The following IQCH variants were observed in gnomAD, a reference collection of about 807,000 sequenced individuals.
IQCH encodes the protein IQ motif containing H.
IQCH carries 98 observed loss-of-function variants against 117.0 expected under a neutral mutation model. That is an observed-to-expected ratio of 0.84 (90% CI 0.71 to 0.99). The LOEUF is 0.99. Among genes scored for constraint, IQCH ranks in the 50% least tolerant of loss-of-function variants. The pLI is 0.00. For synonymous variants in IQCH, 412 were observed against 448.2 expected, an observed-to-expected ratio of 0.92 and a Z score of 1.02; for missense variants, 1,102 against 1,243.8, an observed-to-expected ratio of 0.89 and a Z score of 1.72.
At position 67,405,883 on chromosome 15, in the gene IQCH, G is replaced by A. The variant is rs1395774105; in HGVS notation, c.2097+5578G>A. On this transcript the variant is annotated intron_variant, in intron 14 of 20. Transcript: ENST00000335894. This position sits in a 1 kb window ranked among gnomAD's most constrained non-coding sequence, Gnocchi z 4.8. ...GCTCTCAAATTTCTTCCCTTTCCTAGATAACAGAAGAGCTGGTCTCCTTTT... is the reference window on the plus strand; with the variant it reads ...GCTCTCAAATTTCTTCCCTTTCCTAAATAACAGAAGAGCTGGTCTCCTTTT... 1 of 152,186 alleles carries A rather than the reference G, an allele frequency of 6.6e-6. No homozygotes were observed. The highest frequency in any genetic ancestry group is 1.9e-4 in the East Asian group (1 of 5,192). The allele number at this position is 152,186 out of a possible 1,614,324, so 9.4% of individuals were successfully genotyped here.
At chr15:67,486,231 C>T (rs2083476735) in intron 18 of IQCH, among the ~76,000 whole-genome samples, 8 of 150,384 alleles carry the variant, frequency 5.3e-5, no homozygotes, top group Admixed American at 5.3e-4. Flanking sequence ...ATAGAGACAG[C>T]ATTTCACCAT....
chr15:67,307,232 T>C (rs1967343931), intron 4 of IQCH: 1 of 757,132 alleles, frequency 1.3e-6, no homozygotes, highest in Non-Finnish European at 1.6e-6. Context: ...AAACTTAGAA[T>C]CTTTTATTTA....
intron 3 of IQCH, among the ~76,000 whole-genome samples, chr15:67,277,825 G>T (rs1451541063): frequency 6.6e-6 from 1 of 152,098 alleles, no homozygotes; most frequent in Non-Finnish European, 1.5e-5. Flanking sequence ...GAGCCACCGC[G>T]CCTGGCCCAG....
intron 6 of IQCH, among the ~76,000 whole-genome samples, chr15:67,346,251 T>G (rs954390726): frequency 6.6e-6 from 1 of 151,920 alleles, no homozygotes; most frequent in African/African-American, 2.4e-5. Context: ...GAAGCAAAAA[T>G]TAATAAAACA....
At chr15:67,275,036 A>T (rs570477860) in intron 3 of IQCH, among the ~76,000 whole-genome samples, 1 of 152,200 alleles carries the variant, frequency 6.6e-6, no homozygotes, top group African/African-American at 2.4e-5. Context: ...ACAGCATGGT[A>T]CTGCCACTCT....
In IQCH at chr15:67,485,953, G is replaced by A. The variant is rs556940338; in HGVS notation, c.2800-4050G>A. Among the ~76,000 whole-genome samples, 43 of 150,016 alleles carry A rather than the reference G, an allele frequency of 2.9e-4. No individual in the cohort carries two copies. In the East Asian group the frequency reaches 6.9e-3, roughly 24 times the overall value. ...ATTACAGGCATGAGCCACTGCGCCC[G>A]ACCAAGAAACAGAAAATCTTAAAAG... On this transcript the variant is annotated intron_variant, in intron 18 of 20. Transcript: ENST00000335894.
Position 67,465,367 on chromosome 15 carries a change from C to G in IQCH, c.2676+70C>G. 1 of 1,490,884 alleles carries G rather than the reference C, an allele frequency of 6.7e-7. No individual in the cohort carries two copies. Among genetic ancestry groups the G allele is most frequent in the South Asian group, 1.2e-5 (1 of 84,904 alleles). 92.4% of individuals were successfully genotyped at this position (1,490,884 alleles called of 1,614,324 possible). On this transcript the variant is annotated intron_variant, in intron 17 of 20. Transcript: ENST00000335894. The surrounding 1 kb of genome is among the most constrained non-coding windows in gnomAD (Gnocchi z 5.9). ...CCCACTGCCACTGCCTGAGCTCTGT[C>G]TAGGAGCCAGGATCTTTGAGTACAG...
chr15:67,379,283 G>T (rs1970841063), intron 10 of IQCH, among the ~76,000 whole-genome samples: 1 of 152,164 alleles, frequency 6.6e-6, no homozygotes, highest in Non-Finnish European at 1.5e-5. Flanking sequence ...TTTTCAGATA[G>T]TTGTGTATAT....
Position 67,402,251 on chromosome 15 carries a change from A to G in IQCH, c.2097+1946A>G, listed in dbSNP as rs568983314. Among the ~76,000 whole-genome samples the G allele has an allele frequency of 3.9e-5, 6 of 152,348 alleles. No individual in the cohort carries two copies. The East Asian group carries it at 1.2e-3, about 29-fold the overall frequency. ...ATCATTTTTTAAAACTTAACAAGGA[A>G]AATATAATTATTCAGAAATCTCCTT... On this transcript the variant is annotated intron_variant, in intron 14 of 20. Coordinates refer to ENST00000335894, the MANE Select transcript of IQCH (RefSeq NM_001031715.3).
chr15:67,293,128 G>A (rs1260535047), intron 4 of IQCH, among the ~76,000 whole-genome samples: 1 of 152,146 alleles, frequency 6.6e-6, no homozygotes, highest in Non-Finnish European at 1.5e-5. Flanking sequence ...TTTAACAGTA[G>A]TATCTGTTGT....
At chr15:67,346,728 C>G (rs1380491097) in intron 6 of IQCH, among the ~76,000 whole-genome samples, 4 of 152,094 alleles carry the variant, frequency 2.6e-5, no homozygotes, top group African/African-American at 9.7e-5. Context: ...CATTATAGAG[C>G]ATTAAAACAC....
intron 3 of IQCH, among the ~76,000 whole-genome samples, chr15:67,273,110 G>T (rs144569784): frequency 6.6e-6 from 1 of 151,294 alleles, no homozygotes; most frequent in Admixed American, 6.6e-5. Context: ...TCTCTCTGTC[G>T]CCCAGGCTGG....
Position 67,401,543 on chromosome 15 carries a change from A to C in IQCH, c.2097+1238A>C, listed in dbSNP as rs977251166. On this transcript the variant is annotated intron_variant, in intron 14 of 20. Transcript: ENST00000335894. The surrounding 1 kb of genome is among the most constrained non-coding windows in gnomAD (Gnocchi z 4.7). Reference sequence around the variant, plus strand: ...TACGGAAGTATATGAATCAAGACACAAGTGATAGAGAGGGAGGGGCACACT... The same window carrying C: ...TACGGAAGTATATGAATCAAGACACCAGTGATAGAGAGGGAGGGGCACACT... 7.1e-6 allele frequency among the ~76,000 whole-genome samples: 1 copy of C among 140,610 alleles called. No homozygotes were observed. Among genetic ancestry groups the C allele is most frequent in the Non-Finnish European group, 1.6e-5 (1 of 63,218 alleles). 92.2% of individuals were successfully genotyped at this position (140,610 alleles called of 152,430 possible). A position where few individuals can be genotyped will look rare whatever the true frequency, so the allele number is the denominator to read the frequency against.
At position 67,493,759 on chromosome 15, in the gene IQCH, T is replaced by C. The variant is rs1401649460; in HGVS notation, c.2862-499T>C. Among the ~76,000 whole-genome samples the C allele has an allele frequency of 1.3e-5, 2 of 152,200 alleles. No homozygotes were observed. Among genetic ancestry groups the C allele is most frequent in the Non-Finnish European group, 2.9e-5 (2 of 68,030 alleles). ...GTGCCATGTTAGTGTCCTGCACCCA[T>C]TAACTCGTCATTTACATTAGGTATA... On this transcript the variant is annotated intron_variant, in intron 19 of 20. Coordinates refer to ENST00000335894, the MANE Select transcript of IQCH (RefSeq NM_001031715.3). The surrounding 1 kb of genome is among the most constrained non-coding windows in gnomAD (Gnocchi z 5.1).
chr15:67,382,835 T>C (rs982064724), intron 10 of IQCH, among the ~76,000 whole-genome samples: 10 of 152,340 alleles, frequency 6.6e-5, no homozygotes, highest in Admixed American at 6.5e-4. Context: ...CAAAGTGCAA[T>C]GTCTCATCGC....
At chr15:67,451,802 C>G (rs1225779417) in intron 16 of IQCH, among the ~76,000 whole-genome samples, 2 of 152,160 alleles carry the variant, frequency 1.3e-5, no homozygotes, top group East Asian at 3.9e-4. Flanking sequence ...TCTCGTCGAT[C>G]TGTCTAATGT....
Position 67,480,485 on chromosome 15 carries a change from T to C in IQCH, c.2799+4667T>C, listed in dbSNP as rs145000646. 5.1e-4 allele frequency among the ~76,000 whole-genome samples: 77 copies of C among 152,246 alleles called. 2 individuals are homozygous for C. In the East Asian group the frequency reaches 0.015, roughly 29 times the overall value. ...GATCAAAGACCCATACCAACTCATG[T>C]GGGAAATGGAGCAGGACCAAGAACT... On this transcript the variant is annotated intron_variant, in intron 18 of 20. Coordinates refer to ENST00000335894, the MANE Select transcript of IQCH (RefSeq NM_001031715.3).
chr15:67,372,581 A>G lies in IQCH; in HGVS notation c.1224A>G (p.Leu408=). Residue 408 remains leucine, a synonymous_variant, in exon 9 of 21, where the codon TTA becomes TTG. Transcript: ENST00000335894. ...ASGVIAIAWL[L]YCHKTRLKKI... is the part of the protein sequence containing the mutation. ...GTGTGATTGCCATTGCTTGGCTGTT[A>G]TATTGCCATAAGACTCGACTAAAGA... 2 of 1,614,058 alleles carry G rather than the reference A, an allele frequency of 1.2e-6. No homozygotes were observed. Among genetic ancestry groups the G allele is most frequent in the Non-Finnish European group, 1.7e-6 (2 of 1,179,986 alleles).
rs1353489266 is a variant in IQCH, at chr15:67,490,317, T to C, written c.2861+253T>C. The stretch of plus-strand genomic sequence containing the variant: ...ACCTCCCGGGTTCAAGCGATTCTCC[T>C]GCCTCAGCCTCCCAAGTAGCTGGGA... On this transcript the variant is annotated intron_variant, in intron 19 of 20. Transcript: ENST00000335894. This position sits in a 1 kb window ranked among gnomAD's most constrained non-coding sequence, Gnocchi z 4.9. Among the ~76,000 whole-genome samples, 1 of 152,162 alleles carries C rather than the reference T, an allele frequency of 6.6e-6. No homozygotes were observed. Among genetic ancestry groups the C allele is most frequent in the Non-Finnish European group, 1.5e-5 (1 of 68,024 alleles).
Sources: gnomAD v4.1 joint callset for allele counts (sites outside exome capture counted in the v4.1 genomes callset) on GRCh38, gnomAD v4.1.1 for gene constraint, Gnocchi (gnomAD v3.1) non-coding constraint, MANE v1.5 for transcripts, NCBI Gene and HGNC (gene_info 2026-07-23, HGNC 2026-07-21) for gene names.